TGFBR3: variants seen among roughly 807,000 people sequenced by gnomAD.
The protein encoded by TGFBR3 is transforming growth factor beta receptor type 3.
In TGFBR3, 46 loss-of-function variants were observed where a neutral mutation model predicts 87.9. The observed-to-expected ratio is 0.52, with a 90% CI of 0.41 to 0.67. The LOEUF (loss-of-function observed/expected upper bound fraction) is 0.67, where lower values mean the gene tolerates loss of function less well. Among genes scored for constraint, TGFBR3 ranks in the 30% least tolerant of loss-of-function variants. The pLI is 0.00. For synonymous variants in TGFBR3, 381 were observed against 391.6 expected (o/e 0.97, Z 0.32); for missense variants, 866 against 1,041.9 (o/e 0.83, Z 2.32).
At chr1:91,803,723 C>T (rs1052578509) in intron 2 of TGFBR3, among the ~76,000 whole-genome samples, 2 of 152,134 alleles carry the variant, frequency 1.3e-5, no homozygotes, top group African/African-American at 2.4e-5. Context: ...CCTCCAGGAA[C>T]ACATTCCCCA....
intron 2 of TGFBR3, among the ~76,000 whole-genome samples, chr1:91,847,037 C>T (rs943095961): frequency 6.6e-6 from 1 of 152,174 alleles, no homozygotes; most frequent in Non-Finnish European, 1.5e-5. Flanking sequence ...CAGAGCTGTA[C>T]ATAGGTTGTA....
At chr1:91,719,549 T>C (rs1434618609) in intron 9 of TGFBR3, 85 bp from the exon 10 acceptor site, 1 of 1,564,316 alleles carries the variant, frequency 6.4e-7, no homozygotes, top group African/African-American at 1.4e-5. Context: ...TTGCCTGGTC[T>C]TCCAAGGACA....
chr1:91,695,687 T>C lies in TGFBR3; in HGVS notation c.2422A>G (p.Ile808Val). The C allele has an allele frequency of 6.2e-7, 1 of 1,614,142 alleles. No individual in the cohort carries two copies. Among genetic ancestry groups the C allele is most frequent in the South Asian group, 1.1e-5 (1 of 91,084 alleles). Residue 808 changes from isoleucine (I) to valine (V), a missense_variant, in exon 16 of 17, where the codon ATC (isoleucine) becomes GTC (valine). Physicochemically the swap from Ile to Val is conservative, Grantham distance 29. Coordinates refer to ENST00000212355, the MANE Select transcript of TGFBR3 (RefSeq NM_003243.5). ...GALLTGALWY[I>V]YSHTGETAGR... ...TCACACTAACCTGTGTGAGAATAGA[T>C]GTACCACAAGGCCCCCGTCAGGAGT...
intron 8 of TGFBR3, among the ~76,000 whole-genome samples, chr1:91,721,332 CCAAA>C (rs1423232111): frequency 6.6e-6 from 1 of 152,136 alleles, no homozygotes; most frequent in African/African-American, 2.4e-5. Context: ...CAACTTCTCC[CCAAA>C]CAGTGACTAA....
At chr1:91,794,169 A>G (rs568986770) in intron 3 of TGFBR3, among the ~76,000 whole-genome samples, 2 of 151,062 alleles carry the variant, frequency 1.3e-5, no homozygotes, top group South Asian at 4.2e-4. Context: ...TTGTGCAACC[A>G]TTAAAATTTT....
intron 5 of TGFBR3, 152 bp downstream of exon 5, chr1:91,734,624 G>C: frequency 1.1e-6 from 1 of 951,718 alleles, no homozygotes; most frequent in Non-Finnish European, 1.7e-6. Context: ...ATGGGGGGCG[G>C]TGGAGAGGCC....
At chr1:91,889,570 G>T (rs1218125019), upstream of TGFBR3, among the ~76,000 whole-genome samples, 1 of 152,124 alleles carries the variant, frequency 6.6e-6, no homozygotes, top group Non-Finnish European at 1.5e-5. Context: ...GATATTAAAA[G>T]CAGAAATCCA....
chr1:91,800,783 C>T (rs1002919379), intron 2 of TGFBR3, among the ~76,000 whole-genome samples: 5 of 152,024 alleles, frequency 3.3e-5, no homozygotes, highest in Non-Finnish European at 5.9e-5. Context: ...CAGCATACAA[C>T]GTAATAAGAG....
intron 4 of TGFBR3, among the ~76,000 whole-genome samples, chr1:91,757,879 C>T (rs1276439829): frequency 6.6e-6 from 1 of 152,128 alleles, no homozygotes; most frequent in African/African-American, 2.4e-5. Context: ...AGGTTTAAGG[C>T]CTCAGGCACC....
At chr1:91,871,778 C>T (rs1476036805) in intron 1 of TGFBR3, among the ~76,000 whole-genome samples, 2 of 152,098 alleles carry the variant, frequency 1.3e-5, no homozygotes, top group East Asian at 1.9e-4. Flanking sequence ...GTGGAAAGTG[C>T]GGGGCCCCCA....
At chr1:91,851,247 T>C (rs897683018) in intron 2 of TGFBR3, among the ~76,000 whole-genome samples, 7 of 152,202 alleles carry the variant, frequency 4.6e-5, no homozygotes, top group Admixed American at 2.0e-4. Context: ...CCAAGAGCTA[T>C]GGCATTTTTC....
chr1:91,789,238 C>T (rs1481085272), intron 3 of TGFBR3, among the ~76,000 whole-genome samples: 2 of 152,058 alleles, frequency 1.3e-5, no homozygotes, highest in Admixed American at 6.6e-5. Flanking sequence ...ACCCAAGAGG[C>T]GGAGGTTGCA....
Position 91,880,891 on chromosome 1 carries a change from T to TTA in TGFBR3, c.-114+4985_-114+4986dup, listed in dbSNP as rs374022559. Among the ~76,000 whole-genome samples, 477 of 149,576 alleles carry TTA rather than the reference T, an allele frequency of 3.2e-3. 3 individuals carry two copies. The highest frequency in any genetic ancestry group is 0.011 in the African/African-American group (444 of 41,096). On this transcript the variant is annotated intron_variant, in intron 1 of 16. Coordinates refer to ENST00000212355, the MANE Select transcript of TGFBR3 (RefSeq NM_003243.5). ...ATATTATACAATATATAGTTATAGA[T>TTA]TATATATATGTGAGATTTTACATAT... is the stretch of plus-strand genomic sequence containing the variant.
At chr1:91,893,162 A>G (rs1486709384) in intron 2 of TGFBR3, among the ~76,000 whole-genome samples, 5 of 152,218 alleles carry the variant, frequency 3.3e-5, no homozygotes, top group African/African-American at 9.6e-5. Flanking sequence ...GGTTTATAAA[A>G]TGTATTTTCT....
At chr1:91,809,970 C>T (rs1675973278) in intron 2 of TGFBR3, among the ~76,000 whole-genome samples, 1 of 152,174 alleles carries the variant, frequency 6.6e-6, no homozygotes, top group African/African-American at 2.4e-5. Flanking sequence ...CAAGCAGTGC[C>T]ATCAACAGAA....
At chr1:91,827,633 A>T (rs1287995336) in intron 2 of TGFBR3, among the ~76,000 whole-genome samples, 4 of 152,202 alleles carry the variant, frequency 2.6e-5, no homozygotes, top group Admixed American at 2.6e-4. Context: ...TTCATTAACG[A>T]AGAAAAAGTT....
rs2100787960 is a variant in TGFBR3, at chr1:91,722,082, T to C, written c.948A>G (p.Ile316Met). The C allele has an allele frequency of 6.2e-7, 1 of 1,613,982 alleles. No individual in the cohort carries two copies. The highest frequency in any genetic ancestry group is 1.7e-4 in the Middle Eastern group (1 of 6,060). The stretch of plus-strand genomic sequence containing the variant: ...CTTGGGTTGAAGGAATGTCATCTCT[T>C]ATTGATTTGGTCATTGTCATAGATC... The part of the protein sequence containing the change: ...SERSMTMTKS[I>M]RDDIPSTQGN... Residue 316 changes from isoleucine (I) to methionine (M), a missense_variant, in exon 8 of 17, where the codon ATA (isoleucine) becomes ATG (methionine). Coordinates refer to ENST00000212355, the MANE Select transcript of TGFBR3 (RefSeq NM_003243.5).
chr1:91,804,245 C>T (rs1349515957), intron 2 of TGFBR3, among the ~76,000 whole-genome samples: 1 of 152,108 alleles, frequency 6.6e-6, no homozygotes, highest in Non-Finnish European at 1.5e-5. Flanking sequence ...GAATCAAGTC[C>T]CAGTTGGGGC....
intron 4 of TGFBR3, among the ~76,000 whole-genome samples, chr1:91,754,344 A>C (rs1232242555): frequency 6.6e-6 from 1 of 152,168 alleles, no homozygotes; most frequent in African/African-American, 2.4e-5. Context: ...GATTATTTGC[A>C]GTTTCAACAT....
Sources: allele counts gnomAD v4.1 joint callset (sites outside exome capture counted in the v4.1 genomes callset), GRCh38; gene constraint gnomAD v4.1.1; transcripts MANE v1.5; gene names NCBI Gene and HGNC (gene_info 2026-07-23, HGNC 2026-07-21).